The following MED27 variants were observed in gnomAD, a reference collection of about 807,000 sequenced individuals.
MED27 encodes the protein mediator complex subunit 27, also known as mediator of RNA polymerase II transcription subunit 27.
MED27 carries 30 observed loss-of-function variants against 38.2 expected under a neutral mutation model. That is an observed-to-expected ratio of 0.79 (90% CI 0.59 to 1.07). MED27 has a LOEUF of 1.07. MED27 is among the 50% of genes least tolerant of loss of function. The pLI is 0.00. For missense variants in MED27, 289 were observed against 397.5 expected (o/e 0.73, Z 2.32); for synonymous variants, 122 against 153.5 (o/e 0.79, Z 1.52).
intron 3 of MED27, among the ~76,000 whole-genome samples, chr9:131,991,629 A>G (rs1831976804): frequency 6.6e-6 from 1 of 152,236 alleles, no homozygotes; most frequent in African/African-American, 2.4e-5. Context: ...TCAACACAAA[A>G]TATATAGCAT....
chr9:132,063,869 G>A (rs555281558), intron 2 of MED27, among the ~76,000 whole-genome samples: 2 of 152,202 alleles, frequency 1.3e-5, no homozygotes, highest in African/African-American at 2.4e-5. Flanking sequence ...CCGGAAAAAG[G>A]AGTATCTTCA....
At chr9:132,047,475 C>CACACACACAT (rs1554768183) in intron 2 of MED27, among the ~76,000 whole-genome samples, 34 of 150,832 alleles carry the variant, frequency 2.3e-4, no homozygotes, top group Non-Finnish European at 4.3e-4. Context: ...CACACACACA[C>CACACACACAT]GTCTTAGTCC....
chr9:131,880,961 G>T (rs1029120934), intron 6 of MED27, among the ~76,000 whole-genome samples: 44 of 150,866 alleles, frequency 2.9e-4, no homozygotes, highest in African/African-American at 9.5e-4. Flanking sequence ...CCTCATCAAG[G>T]GTATTGGAAT....
chr9:131,975,351 C>T (rs1368759593), intron 3 of MED27, among the ~76,000 whole-genome samples: 2 of 152,168 alleles, frequency 1.3e-5, no homozygotes, highest in Non-Finnish European at 2.9e-5. Context: ...TCATCCAGAC[C>T]AAGTTACTAT....
chr9:132,040,414 G>A (rs1246967399), intron 2 of MED27, among the ~76,000 whole-genome samples: 1 of 152,212 alleles, frequency 6.6e-6, no homozygotes, highest in Non-Finnish European at 1.5e-5. Context: ...GATGAGAGGT[G>A]GGGCCGTGGA....
chr9:131,885,996 G>A (rs1233950127), intron 5 of MED27, among the ~76,000 whole-genome samples: 1 of 152,184 alleles, frequency 6.6e-6, no homozygotes, highest in African/African-American at 2.4e-5. Context: ...TGTGTGGTGT[G>A]TGATTGATTT....
At position 131,860,416 on chromosome 9, in the gene MED27, T is replaced by C. The variant is rs553692632; in HGVS notation, c.*122A>G. The C allele has an allele frequency of 6.7e-5, 79 of 1,186,322 alleles. No individual in the cohort carries two copies. Among genetic ancestry groups the C allele is most frequent in the Non-Finnish European group, 7.9e-5 (69 of 875,060 alleles). The allele number at this position is 1,186,322 out of a possible 1,614,324, so 73.5% of individuals were successfully genotyped here. On this transcript the variant is annotated 3_prime_UTR_variant, in exon 8 of 8. Transcript: ENST00000292035. This position sits in a 1 kb window ranked among gnomAD's most constrained non-coding sequence, Gnocchi z 5.8. ...TGGCCTCTGCACACATGGCGCTGCTTTATGAAAGGGAGGAGCAGCTGTACA... is the reference window on the plus strand; with the variant it reads ...TGGCCTCTGCACACATGGCGCTGCTCTATGAAAGGGAGGAGCAGCTGTACA...
intron 3 of MED27, among the ~76,000 whole-genome samples, chr9:131,965,704 A>C (rs1408251558): frequency 1.3e-5 from 2 of 152,148 alleles, no homozygotes; most frequent in African/African-American, 4.8e-5. Flanking sequence ...CATGTCGATT[A>C]AAGTCCTGGG....
At chr9:131,993,145 C>T (rs1414094514) in intron 3 of MED27, among the ~76,000 whole-genome samples, 1 of 152,080 alleles carries the variant, frequency 6.6e-6, no homozygotes, top group Non-Finnish European at 1.5e-5. Context: ...AACAAGGGCT[C>T]TCTGTATTTC....
At chr9:131,995,739 C>T (rs1183255135) in intron 3 of MED27, among the ~76,000 whole-genome samples, 1 of 152,140 alleles carries the variant, frequency 6.6e-6, no homozygotes, top group African/African-American at 2.4e-5. Context: ...ATACTACCAC[C>T]CAGCAGATGT....
intron 6 of MED27, among the ~76,000 whole-genome samples, chr9:131,866,334 G>A (rs972156060): frequency 3.3e-5 from 5 of 152,188 alleles, no homozygotes; most frequent in Non-Finnish European, 7.3e-5. Flanking sequence ...CAGGCAAGGC[G>A]TCGTGCAAAT....
At chr9:132,057,717 A>G (rs1233235643) in intron 2 of MED27, among the ~76,000 whole-genome samples, 1 of 152,216 alleles carries the variant, frequency 6.6e-6, no homozygotes, top group Non-Finnish European at 1.5e-5. Flanking sequence ...GTGGTCCCAA[A>G]CGTTACTCAT....
chr9:131,926,626 T>C (rs1404958777), intron 4 of MED27, among the ~76,000 whole-genome samples: 1 of 152,234 alleles, frequency 6.6e-6, no homozygotes, highest in Non-Finnish European at 1.5e-5. Context: ...CTGAGCACTA[T>C]TGAACTCAGT....
At chr9:131,966,818 T>A (rs1323143108) in intron 3 of MED27, among the ~76,000 whole-genome samples, 3 of 152,150 alleles carry the variant, frequency 2.0e-5, no homozygotes, top group Non-Finnish European at 4.4e-5. Context: ...TTACAAAAAA[T>A]ACCTAATAAT....
chr9:131,946,899 C>T (rs922973304), intron 3 of MED27, among the ~76,000 whole-genome samples: 2 of 152,234 alleles, frequency 1.3e-5, no homozygotes, highest in Admixed American at 6.5e-5. Flanking sequence ...CCCCATCAGT[C>T]AGTGTACCCC....
chr9:131,913,733 C>T lies in MED27; in HGVS notation c.574-19741G>A, dbSNP rs1390218781. On this transcript the variant is annotated intron_variant, in intron 4 of 7. Transcript: ENST00000292035. This position sits in a 1 kb window ranked among gnomAD's most constrained non-coding sequence, Gnocchi z 4.5. ...CCAGGTGTGGACCCCAGCCCAACTC[C>T]ATCTGAACCAGATACCCGAGCCTGC... Among the ~76,000 whole-genome samples the T allele has an allele frequency of 6.6e-6, 1 of 152,170 alleles. No homozygotes were observed. The highest frequency in any genetic ancestry group is 1.5e-5 in the Non-Finnish European group (1 of 68,034).
At chr9:132,067,774 T>G (rs1485431062) in intron 2 of MED27, among the ~76,000 whole-genome samples, 1 of 151,648 alleles carries the variant, frequency 6.6e-6, no homozygotes, top group African/African-American at 2.4e-5. Flanking sequence ...CGCAGTGGTG[T>G]GATCTCGGCT....
At chr9:131,960,471 C>T (rs941673980) in intron 3 of MED27, among the ~76,000 whole-genome samples, 1 of 152,156 alleles carries the variant, frequency 6.6e-6, no homozygotes, top group Non-Finnish European at 1.5e-5. Flanking sequence ...GGACGTGGCT[C>T]ATAATGATCC....
Position 132,014,459 on chromosome 9 carries a change from G to A in MED27, c.357C>T (p.Tyr119=), listed in dbSNP as rs140959963. 7.8e-5 allele frequency: 126 copies of A among 1,612,100 alleles called. No individual in the cohort carries two copies. The highest frequency in any genetic ancestry group is 9.4e-5 in the Non-Finnish European group (111 of 1,179,434). ...AAAGGCCAGATGCTAGTCCTGCATG[G>A]TACTGCAACTGCAGAGAAAAACAAA... ...QAYKWSNKLQ[Y]HAGLASGLLN... is the part of the protein sequence containing the mutation. The change falls in exon 3 of 8, where the codon TAC becomes TAT. Residue 119 remains tyrosine (Y), a synonymous_variant. Transcript: ENST00000292035.
Sources: gnomAD v4.1 joint callset for allele counts (sites outside exome capture counted in the v4.1 genomes callset) on GRCh38, gnomAD v4.1.1 for gene constraint, Gnocchi (gnomAD v3.1) non-coding constraint, MANE v1.5 for transcripts, NCBI Gene and HGNC (gene_info 2026-07-23, HGNC 2026-07-21) for gene names.